SLC25A48: variants seen among roughly 807,000 people sequenced by gnomAD.
SLC25A48 encodes solute carrier family 25 member 48.
A neutral mutation model predicts 32.2 loss-of-function variants in SLC25A48; 29 were observed. The ratio of observed to expected loss-of-function variants is 0.90; its 90% CI spans 0.67 to 1.23. The LOEUF is 1.23. Ranked by LOEUF, SLC25A48 falls within the 50% of genes most tolerant of loss-of-function variation. The pLI, the probability that SLC25A48 is intolerant of heterozygous loss-of-function variation, is 0.00. For synonymous variants in SLC25A48, 164 were observed against 172.3 expected, an observed-to-expected ratio of 0.95 and a Z score of 0.38; for missense variants, 399 against 422.7, an observed-to-expected ratio of 0.94 and a Z score of 0.49.
At chr5:135,768,815 G>A (rs998049675) in intron 3 of SLC25A48, among the ~76,000 whole-genome samples, 1 of 151,772 alleles carries the variant, frequency 6.6e-6, no homozygotes, top group Non-Finnish European at 1.5e-5. Flanking sequence ...CCAGGTAAAA[G>A]AGGATGATAT....
At chr5:135,803,572 T>A (rs955366297) in intron 3 of SLC25A48, among the ~76,000 whole-genome samples, 2 of 151,926 alleles carry the variant, frequency 1.3e-5, no homozygotes, top group South Asian at 4.1e-4. Context: ...TGATATTATT[T>A]GTAATATTCT....
At position 135,618,654 on chromosome 5, in the gene SLC25A48, C is replaced by T. The variant is rs1752246051; in HGVS notation, c.-848-10583C>T. Among the ~76,000 whole-genome samples, 5 of 152,024 alleles carry T rather than the reference C, an allele frequency of 3.3e-5. No individual in the cohort carries two copies. The South Asian group carries it at 8.3e-4, about 25-fold the overall frequency. On this transcript the variant is annotated intron_variant, in intron 1 of 10. Coordinates refer to the SLC25A48 transcript ENST00000646290. ...TTCTTTCTCCTCTGGGTGTAGGACT[C>T]TTTCAAGCATTTCTTGTAGAGCTGG... is the stretch of plus-strand genomic sequence containing the variant.
At chr5:135,834,932 G>C in intron 1 of SLC25A48, 39 bp downstream of exon 1, 1 of 1,583,404 alleles carries the variant, frequency 6.3e-7, no homozygotes, top group Non-Finnish European at 8.6e-7. Flanking sequence ...CAGAGAGAGC[G>C]AGCCTGGCGG....
chr5:135,757,246 A>G (rs1019350784), intron 3 of SLC25A48, among the ~76,000 whole-genome samples: 3 of 149,872 alleles, frequency 2.0e-5, no homozygotes, highest in Non-Finnish European at 4.5e-5. Flanking sequence ...ACACACTATA[A>G]TATTAATAAA....
intron 2 of SLC25A48, among the ~76,000 whole-genome samples, chr5:135,847,364 G>A (rs1473411686): frequency 6.6e-6 from 1 of 152,204 alleles, no homozygotes; most frequent in Non-Finnish European, 1.5e-5. Flanking sequence ...GTCCTGTGGA[G>A]TGAAAGGCCT....
chr5:135,852,973 C>T (rs942085722), intron 4 of SLC25A48, 152 bp downstream of exon 4: 1 of 1,140,018 alleles, frequency 8.8e-7, no homozygotes, highest in East Asian at 2.6e-5. Flanking sequence ...ACCTCGGAGA[C>T]ATGGGTTTGG....
chr5:135,785,677 A>G (rs1283612556), intron 3 of SLC25A48, among the ~76,000 whole-genome samples: 1 of 148,786 alleles, frequency 6.7e-6, no homozygotes, highest in Non-Finnish European at 1.5e-5. Context: ...AGGGGGGTGG[A>G]ACACCCCTTG....
intron 3 of SLC25A48, among the ~76,000 whole-genome samples, chr5:135,747,546 C>T (rs1418525453): frequency 6.6e-6 from 1 of 152,104 alleles, no homozygotes; most frequent in Non-Finnish European, 1.5e-5. Flanking sequence ...GCAGTCATTT[C>T]TTCGGGGAGC....
In SLC25A48 at chr5:135,785,045, T is replaced by A. The variant is rs1756801340; in HGVS notation, c.-520-27478T>A. On this transcript the variant is annotated intron_variant, in intron 3 of 10. Coordinates refer to the SLC25A48 transcript ENST00000646290. The stretch of plus-strand genomic sequence containing the variant: ...GGACAGGATGATATTACTCCCAATA[T>A]CATAGGAGATGTACACACGCACTCT... Among the ~76,000 whole-genome samples, 5 of 152,054 alleles carry A rather than the reference T, an allele frequency of 3.3e-5. No individual in the cohort carries two copies. In the South Asian group the frequency reaches 1.0e-3, roughly 32 times the overall value.
At chr5:135,786,406 G>T (rs913964556) in intron 3 of SLC25A48, among the ~76,000 whole-genome samples, 1 of 151,292 alleles carries the variant, frequency 6.6e-6, no homozygotes, top group Non-Finnish European at 1.5e-5. Context: ...GTGGGTCTAC[G>T]CCATGTGTGT....
At chr5:135,662,487 C>G (rs1381416064) in intron 3 of SLC25A48, among the ~76,000 whole-genome samples, 1 of 152,190 alleles carries the variant, frequency 6.6e-6, no homozygotes, top group African/African-American at 2.4e-5. Context: ...GATGGTGCAA[C>G]TCCTGCTAGC....
At chr5:135,598,634 C>T (rs1297701556) in intron 1 of SLC25A48, among the ~76,000 whole-genome samples, 1 of 152,056 alleles carries the variant, frequency 6.6e-6, no homozygotes, top group African/African-American at 2.4e-5. Context: ...CTGAACAGGT[C>T]GGCTAAGTAT....
At chr5:135,730,173 T>G (rs1232747346) in intron 3 of SLC25A48, among the ~76,000 whole-genome samples, 4 of 152,238 alleles carry the variant, frequency 2.6e-5, no homozygotes, top group Non-Finnish European at 4.4e-5. Flanking sequence ...TTCTCTAAAT[T>G]AATTCCTATA....
intron 3 of SLC25A48, among the ~76,000 whole-genome samples, chr5:135,790,993 CG>C (rs35163080): frequency 0.64 from 96,960 of 150,426 alleles, 33,538 homozygotes; most frequent in Non-Finnish European, 0.78. Context: ...TGTATAATTA[CG>C]GGGGGGGTGT....
chr5:135,708,885 C>T (rs1230870357), intron 3 of SLC25A48, among the ~76,000 whole-genome samples: 1 of 152,154 alleles, frequency 6.6e-6, no homozygotes, highest in Non-Finnish European at 1.5e-5. Flanking sequence ...GGCTGGCTCT[C>T]ATCACAATCA....
chr5:135,870,884 ATTTAT>A (rs1761581503), intron 4 of SLC25A48, among the ~76,000 whole-genome samples: 1 of 151,106 alleles, frequency 6.6e-6, no homozygotes, highest in Non-Finnish European at 1.5e-5. Context: ...TAATAAAATT[ATTTAT>A]TTTATTTTTA....
intron 4 of SLC25A48, among the ~76,000 whole-genome samples, chr5:135,871,260 A>G (rs772450615): frequency 1.4e-4 from 22 of 152,194 alleles, no homozygotes; most frequent in Non-Finnish European, 2.6e-4. Context: ...GATCGTCCCC[A>G]GTCTGGCTGT....
At chr5:135,757,904 A>G (rs1755958142) in intron 3 of SLC25A48, among the ~76,000 whole-genome samples, 1 of 150,446 alleles carries the variant, frequency 6.6e-6, no homozygotes, top group Admixed American at 6.6e-5. Context: ...GTGTAGGGTT[A>G]CACAATGTTA....
intron 3 of SLC25A48, among the ~76,000 whole-genome samples, chr5:135,779,509 G>GTACA (rs1483169824): frequency 0.021 from 1,259 of 60,402 alleles, 122 homozygotes; most frequent in Middle Eastern, 0.055. Flanking sequence ...TCCCAATATT[G>GTACA]CAGGGGGTGT....
Sources: allele counts gnomAD v4.1 joint callset (sites outside exome capture counted in the v4.1 genomes callset), GRCh38; gene constraint gnomAD v4.1.1; transcripts MANE v1.5; gene names NCBI Gene and HGNC (gene_info 2026-07-23, HGNC 2026-07-21).